Variants in LAMA2 observed in about 807,000 individuals in gnomAD.
LAMA2 encodes laminin subunit alpha 2.
LAMA2 carries 269 observed loss-of-function variants against 364.8 expected under a neutral mutation model. The observed-to-expected ratio is 0.74, with a 90% CI of 0.67 to 0.82. LAMA2 has a LOEUF of 0.82. LAMA2 is among the 40% of genes least tolerant of loss of function. The pLI, the probability that LAMA2 is intolerant of heterozygous loss-of-function variation, is 0.00. For synonymous variants in LAMA2, 1,379 were observed against 1,370.6 expected (o/e 1.01, Z -0.14); for missense variants, 3,807 against 3,873.2 (o/e 0.98, Z 0.45).
chr6:129,466,986 C>T (rs1446767925), intron 51 of LAMA2, among the ~76,000 whole-genome samples: 3 of 151,792 alleles, frequency 2.0e-5, no homozygotes, highest in Non-Finnish European at 2.9e-5. Flanking sequence ...TAGGATGCTA[C>T]GGAGTCTGGT....
intron 17 of LAMA2, among the ~76,000 whole-genome samples, chr6:129,278,928 T>A (rs1788515821): frequency 6.6e-6 from 1 of 152,194 alleles, no homozygotes; most frequent in African/African-American, 2.4e-5. Flanking sequence ...TCAGAAATAG[T>A]GTTCATGATC....
chr6:129,285,341 A>G (rs1789030207), intron 18 of LAMA2, among the ~76,000 whole-genome samples: 1 of 152,148 alleles, frequency 6.6e-6, no homozygotes, highest in South Asian at 2.1e-4. Flanking sequence ...TATCACGTAT[A>G]TTCACAAATT....
chr6:129,026,752 G>A lies in LAMA2; in HGVS notation c.113-23166G>A, dbSNP rs893173389. On this transcript the variant is annotated intron_variant, in intron 1 of 64. Transcript: ENST00000421865. ...CAGATGCTGATATAATTTAATATTC[G>A]TGGAAGACAGGGCAAATATAGAATA... 1.1e-4 allele frequency among the ~76,000 whole-genome samples: 16 copies of A among 152,196 alleles called. No homozygotes were observed. In the East Asian group the frequency reaches 1.2e-3, roughly 11 times the overall value.
At chr6:129,302,625 C>G (rs527925299) in intron 22 of LAMA2, among the ~76,000 whole-genome samples, 13 of 151,936 alleles carry the variant, frequency 8.6e-5, no homozygotes, top group Non-Finnish European at 7.4e-5. Flanking sequence ...GGTTTGGATT[C>G]CATTTTGAAT....
chr6:129,305,337 T>TA (rs1302599483), intron 22 of LAMA2, among the ~76,000 whole-genome samples: 31 of 151,868 alleles, frequency 2.0e-4, no homozygotes, highest in Admixed American at 1.6e-3. Context: ...TTTTTTTTTT[T>TA]ATTCTGAGAC....
intron 58 of LAMA2, among the ~76,000 whole-genome samples, chr6:129,492,761 C>T (rs1411002310): frequency 2.6e-5 from 4 of 152,160 alleles, no homozygotes; most frequent in Non-Finnish European, 4.4e-5. Flanking sequence ...ATGACAGAGG[C>T]AACCATGTTG....
intron 1 of LAMA2, among the ~76,000 whole-genome samples, chr6:128,936,270 A>C (rs1444977863): frequency 6.6e-6 from 1 of 152,206 alleles, no homozygotes; most frequent in African/African-American, 2.4e-5. Flanking sequence ...ATCTCAGAAA[A>C]GCTTTCAACT....
At chr6:129,037,819 G>A (rs1235928336) in intron 1 of LAMA2, among the ~76,000 whole-genome samples, 8 of 151,994 alleles carry the variant, frequency 5.3e-5, no homozygotes, top group Non-Finnish European at 1.2e-4. Flanking sequence ...ACAGGTGCTT[G>A]CCACCACACC....
At chr6:129,059,699 A>AG (rs1554208671) in intron 2 of LAMA2, 85 bp from the exon 3 acceptor site, 5 of 825,502 alleles carry the variant, frequency 6.1e-6, no homozygotes, top group Non-Finnish European at 1.0e-5. Context: ...TGTTTTAACC[A>AG]TTTTTTTTTA....
intron 4 of LAMA2, among the ~76,000 whole-genome samples, chr6:129,101,219 C>T (rs1775503163): frequency 6.6e-6 from 1 of 152,132 alleles, no homozygotes; most frequent in Non-Finnish European, 1.5e-5. Context: ...GAAGGAGGCA[C>T]ATTGAGAAGA....
chr6:129,141,097 C>T (rs764169316), intron 4 of LAMA2, among the ~76,000 whole-genome samples: 1 of 151,970 alleles, frequency 6.6e-6, no homozygotes, highest in African/African-American at 2.4e-5. Context: ...AGACATGTAG[C>T]GATTTCCTCC....
At chr6:129,112,626 G>T (rs1191268563) in intron 4 of LAMA2, among the ~76,000 whole-genome samples, 2 of 151,712 alleles carry the variant, frequency 1.3e-5, no homozygotes, top group Non-Finnish European at 2.9e-5. Flanking sequence ...TAGGTGCAGG[G>T]GATAATGGAC....
intron 22 of LAMA2, among the ~76,000 whole-genome samples, chr6:129,305,027 T>C (rs948151368): frequency 1.3e-5 from 2 of 152,194 alleles, no homozygotes; most frequent in African/African-American, 4.8e-5. Context: ...ACTGAGAGTG[T>C]TGGACTATAA....
At chr6:129,195,002 A>G (rs1405538245) in intron 12 of LAMA2, among the ~76,000 whole-genome samples, 1 of 152,210 alleles carries the variant, frequency 6.6e-6, no homozygotes, top group African/African-American at 2.4e-5. Context: ...AATCTGACAG[A>G]AATAGCGTAT....
chr6:129,406,458 G>A (rs1348635270), intron 40 of LAMA2, among the ~76,000 whole-genome samples: 1 of 152,032 alleles, frequency 6.6e-6, no homozygotes, highest in Admixed American at 6.5e-5. Flanking sequence ...GTACTATAAA[G>A]CATTTGTTTT....
intron 49 of LAMA2, among the ~76,000 whole-genome samples, chr6:129,460,665 G>A (rs1319866893): frequency 6.6e-6 from 1 of 151,846 alleles, no homozygotes; most frequent in South Asian, 2.1e-4. Context: ...GTACCTCATT[G>A]TTATAATTTT....
In LAMA2 at chr6:129,503,200, C is replaced by A; in HGVS notation, c.8467C>A (p.Pro2823Thr). Reference sequence around the variant, plus strand: ...AACAGTTCAGCTGAGAAATGGATTGCCCTACTTCAGCTATGACTTGGGGAG... The same window carrying A: ...AACAGTTCAGCTGAGAAATGGATTGACCTACTTCAGCTATGACTTGGGGAG... Reference protein sequence around the residue: ...FATVQLRNGLPYFSYDLGSGD... With the variant: ...FATVQLRNGLTYFSYDLGSGD... The change falls in exon 60 of 65, where the codon CCC (proline) becomes ACC (threonine). Residue 2823 changes from proline to threonine, a missense_variant. By Grantham distance (38) the Pro-to-Thr change is conservative. Coordinates refer to ENST00000421865, the MANE Select transcript of LAMA2 (RefSeq NM_000426.4). 6.2e-7 allele frequency: 1 copy of A among 1,614,054 alleles called. No individual in the cohort carries two copies.
chr6:129,427,606 G>A (rs940631710), intron 40 of LAMA2, 146 bp from the exon 41 acceptor site: 17 of 680,300 alleles, frequency 2.5e-5, no homozygotes, highest in Middle Eastern at 4.9e-4. Context: ...TTTAACTACC[G>A]AATATGTGCT....
intron 14 of LAMA2, among the ~76,000 whole-genome samples, chr6:129,256,923 C>T (rs1786732909): frequency 6.6e-6 from 1 of 150,786 alleles, no homozygotes; most frequent in Non-Finnish European, 1.5e-5. Context: ...TGTAGTAAAA[C>T]AAAAATATTG....
Sources: gnomAD v4.1 joint callset for allele counts (sites outside exome capture counted in the v4.1 genomes callset) on GRCh38, gnomAD v4.1.1 for gene constraint, MANE v1.5 for transcripts, NCBI Gene and HGNC (gene_info 2026-07-23, HGNC 2026-07-21) for gene names.